ELL2: variants seen among roughly 807,000 people sequenced by gnomAD.
ELL2 encodes elongation factor for RNA polymerase II 2.
Under a neutral mutation model 72.8 loss-of-function variants are expected in ELL2, and 21 were observed. That is an observed-to-expected ratio of 0.29 (90% confidence interval 0.20 to 0.42). ELL2 has a LOEUF of 0.42. ELL2 is among the 10% of genes least tolerant of loss of function. The pLI, the probability that ELL2 is intolerant of heterozygous loss-of-function variation, is 1.00. For missense variants in ELL2, 568 were observed against 772.8 expected (o/e 0.73, Z 3.14); for synonymous variants, 266 against 283.2 (o/e 0.94, Z 0.61).
At chr5:95,891,310 C>T (rs746510475) in intron 9 of ELL2, 36 bp from the exon 10 acceptor site, 5 of 1,569,290 alleles carry the variant, frequency 3.2e-6, no homozygotes, top group Non-Finnish European at 2.6e-6. Context: ...AGTAGCTACC[C>T]AATAAACATG....
In ELL2 at chr5:95,950,248, A is replaced by G. The variant is rs1240199283; in HGVS notation, c.148-7199T>C. Reference sequence around the variant, plus strand: ...AAATAGATCATCTTTCTTTCCCCCTATGCTATTTAAGAACTGGTAGTAATG... The same window carrying G: ...AAATAGATCATCTTTCTTTCCCCCTGTGCTATTTAAGAACTGGTAGTAATG... On this transcript the variant is annotated intron_variant, in intron 1 of 11. Coordinates refer to ENST00000237853, the MANE Select transcript of ELL2 (RefSeq NM_012081.6). Among the ~76,000 whole-genome samples, 4 of 152,112 alleles carry G rather than the reference A, an allele frequency of 2.6e-5. No individual in the cohort carries two copies. In the South Asian group the frequency reaches 6.2e-4, roughly 24 times the overall value.
At chr5:95,929,170 C>G (rs1451779268) in intron 2 of ELL2, among the ~76,000 whole-genome samples, 2 of 152,254 alleles carry the variant, frequency 1.3e-5, no homozygotes, top group Non-Finnish European at 2.9e-5. Flanking sequence ...TTGCTGCCTT[C>G]ACTACATTGT....
chr5:95,946,496 G>A (rs1425061321), intron 1 of ELL2, among the ~76,000 whole-genome samples: 1 of 152,128 alleles, frequency 6.6e-6, no homozygotes, highest in African/African-American at 2.4e-5. Context: ...CTTCCTTGAA[G>A]TCCTTCCAAA....
In ELL2 at chr5:95,949,920, T is replaced by C. The variant is rs146483492; in HGVS notation, c.148-6871A>G. 2.0e-3 allele frequency among the ~76,000 whole-genome samples: 309 copies of C among 152,296 alleles called. 1 individual carries two copies. Among genetic ancestry groups the C allele is most frequent in the African/African-American group, 7.0e-3 (290 of 41,558 alleles). On this transcript the variant is annotated intron_variant, in intron 1 of 11. Transcript: ENST00000237853. ...AATTCTCAGAAGCACCCTTGTGGGG[T>C]AGATACTATTATTCTCATTTCTCAG...
rs183796328 is a variant in ELL2 at position 95,959,836 on chromosome 5, T to C, written c.147+1739A>G. The stretch of plus-strand genomic sequence containing the variant: ...AAGTGTCCTAGCACGTACATTCATG[T>C]GTCCACCCAATTCTGTGAGTACCTT... On this transcript the variant is annotated intron_variant, in intron 1 of 11. Transcript: ENST00000237853. Among the ~76,000 whole-genome samples, 308 of 152,350 alleles carry C rather than the reference T, an allele frequency of 2.0e-3. 1 individual carries two copies. Among genetic ancestry groups the C allele is most frequent in the African/African-American group, 7.0e-3 (289 of 41,578 alleles).
At chr5:95,959,166 T>C (rs961561179) in intron 1 of ELL2, among the ~76,000 whole-genome samples, 2 of 152,194 alleles carry the variant, frequency 1.3e-5, no homozygotes, top group Non-Finnish European at 2.9e-5. Context: ...CTTCCCCAAG[T>C]GGACCTCCTC....
At chr5:95,941,646 C>T (rs920385168) in intron 2 of ELL2, among the ~76,000 whole-genome samples, 1 of 152,164 alleles carries the variant, frequency 6.6e-6, no homozygotes, top group Non-Finnish European at 1.5e-5. Context: ...CCTACTGCTC[C>T]TAGTAAGAGA....
At chr5:95,891,073 G>A (rs973761610) in intron 10 of ELL2, 30 bp downstream of exon 10, 2 of 1,613,912 alleles carry the variant, frequency 1.2e-6, no homozygotes, top group Admixed American at 3.3e-5. Context: ...AAATATGAAA[G>A]TCAGCCCATC....
chr5:95,907,288 A>T (rs1239229942), intron 4 of ELL2, among the ~76,000 whole-genome samples: 1 of 77,054 alleles, frequency 1.3e-5, no homozygotes, highest in African/African-American at 7.8e-5. Context: ...ATATATATAT[A>T]TATATATATT....
chr5:95,906,278 T>C (rs948912128), intron 5 of ELL2, among the ~76,000 whole-genome samples: 1 of 152,202 alleles, frequency 6.6e-6, no homozygotes, highest in Non-Finnish European at 1.5e-5. Context: ...TTTAATGGAA[T>C]TTGAGAACAA....
At chr5:95,941,085 A>T (rs770082496) in intron 2 of ELL2, among the ~76,000 whole-genome samples, 3 of 152,164 alleles carry the variant, frequency 2.0e-5, no homozygotes, top group Non-Finnish European at 2.9e-5. Context: ...AGAATAAGCA[A>T]GGTAGGATCA....
At chr5:95,905,242 C>A (rs1242886007) in intron 5 of ELL2, among the ~76,000 whole-genome samples, 1 of 151,864 alleles carries the variant, frequency 6.6e-6, no homozygotes, top group Non-Finnish European at 1.5e-5. Context: ...TACGCGCACA[C>A]ACACACACAC....
chr5:95,887,128 A>G lies in ELL2; in HGVS notation c.*1743T>C, dbSNP rs972625308. Reference sequence around the variant, plus strand: ...AAAGAGCACCAGGGATCTCAATGCTAAAAGAAACAGAATTCCTTAGGAGGT... The same window carrying G: ...AAAGAGCACCAGGGATCTCAATGCTGAAAGAAACAGAATTCCTTAGGAGGT... On this transcript the variant is annotated 3_prime_UTR_variant, in exon 12 of 12. Coordinates refer to ENST00000237853, the MANE Select transcript of ELL2 (RefSeq NM_012081.6). The G allele has an allele frequency of 6.6e-6, 1 of 152,336 alleles. No homozygotes were observed. Among genetic ancestry groups the G allele is most frequent in the South Asian group, 2.1e-4 (1 of 4,830 alleles). 9.4% of individuals were successfully genotyped at this position (152,336 alleles called of 1,614,324 possible). A position where few individuals can be genotyped will look rare whatever the true frequency, so the allele number is the denominator to read the frequency against.
chr5:95,927,667 GTA>G (rs200168263), intron 2 of ELL2, among the ~76,000 whole-genome samples: 1 of 48,692 alleles, frequency 2.1e-5, no homozygotes, highest in Non-Finnish European at 3.6e-5. Flanking sequence ...ACACACGTGT[GTA>G]TATAGACATA....
chr5:95,949,091 T>G (rs1204774552), intron 1 of ELL2, among the ~76,000 whole-genome samples: 1 of 152,206 alleles, frequency 6.6e-6, no homozygotes, highest in East Asian at 1.9e-4. Flanking sequence ...GCAACAAGAA[T>G]TGCTCTATGA....
chr5:95,931,170 A>G (rs941668849), intron 2 of ELL2, among the ~76,000 whole-genome samples: 4 of 151,660 alleles, frequency 2.6e-5, no homozygotes, highest in African/African-American at 9.7e-5. Flanking sequence ...CCAGTTTCCA[A>G]CTCTGGCTCC....
intron 1 of ELL2, among the ~76,000 whole-genome samples, chr5:95,945,120 C>T (rs150088487): frequency 6.6e-6 from 1 of 152,172 alleles, no homozygotes; most frequent in Non-Finnish European, 1.5e-5. Context: ...CTGCTACTTA[C>T]TACTGCTGAT....
At chr5:95,950,834 C>T (rs1410942791) in intron 1 of ELL2, among the ~76,000 whole-genome samples, 3 of 141,572 alleles carry the variant, frequency 2.1e-5, no homozygotes, top group Non-Finnish European at 4.6e-5. Context: ...TGAAAGATAG[C>T]TTCTAGAAAA....
At chr5:95,890,184 C>T (rs1228521066) in intron 10 of ELL2, among the ~76,000 whole-genome samples, 2 of 152,174 alleles carry the variant, frequency 1.3e-5, no homozygotes, top group African/African-American at 4.8e-5. Context: ...ACCACCATGT[C>T]ACCAACCTCT....
Sources: allele counts gnomAD v4.1 joint callset (sites outside exome capture counted in the v4.1 genomes callset), GRCh38; gene constraint gnomAD v4.1.1; transcripts MANE v1.5; gene names NCBI Gene and HGNC (gene_info 2026-07-23, HGNC 2026-07-21).